Variants in FSIP1 observed in about 807,000 individuals in gnomAD.
FSIP1 encodes fibrous sheath interacting protein 1.
A neutral mutation model predicts 60.9 loss-of-function variants in FSIP1; 65 were observed. The observed-to-expected ratio is 1.07, with a 90% CI of 0.87 to 1.31. FSIP1 has a LOEUF of 1.31. FSIP1 is among the 40% of genes most tolerant of loss of function. The pLI, the probability that FSIP1 is intolerant of heterozygous loss-of-function variation, is 0.00. For synonymous variants in FSIP1, 209 were observed against 221.2 expected (o/e 0.94, Z 0.49); for missense variants, 675 against 665.5 (o/e 1.01, Z -0.16).
intron 10 of FSIP1, among the ~76,000 whole-genome samples, chr15:39,635,365 T>C (rs1011584643): frequency 6.6e-5 from 10 of 152,062 alleles, no homozygotes; most frequent in East Asian, 1.9e-4. Context: ...GCCAGATAGA[T>C]ACATGCATAC....
At chr15:39,618,436 G>C (rs1278019342) in intron 10 of FSIP1, among the ~76,000 whole-genome samples, 191 bp from the exon 11 acceptor site, 1 of 152,146 alleles carries the variant, frequency 6.6e-6, no homozygotes, top group Non-Finnish European at 1.5e-5. Flanking sequence ...ATCTTTGGTT[G>C]GTGTTTCTCT....
At chr15:39,662,917 T>C (rs953767131) in intron 10 of FSIP1, among the ~76,000 whole-genome samples, 2 of 152,158 alleles carry the variant, frequency 1.3e-5, no homozygotes, top group South Asian at 2.1e-4. Flanking sequence ...AAAGCATTAC[T>C]GTCCTGTATA....
At position 39,713,502 on chromosome 15, in the gene FSIP1, T is replaced by C. The variant is rs764404468; in HGVS notation, c.1130A>G (p.Asp377Gly). The change falls in exon 10 of 12, where the codon GAT (aspartate) becomes GGT (glycine). Residue 377 changes from aspartate (D) to glycine (G), a missense_variant. Coordinates refer to ENST00000350221, the MANE Select transcript of FSIP1 (RefSeq NM_152597.5). ...KILRNTKEQR[D>G]LHNRLREIDE... The stretch of plus-strand genomic sequence containing the variant: ...AATCTCTCTCAGCCGATTATGCAGA[T>C]CGCGTTGCTCTTTGGTGTTCCTAAG... 1 of 1,611,754 alleles carries C rather than the reference T, an allele frequency of 6.2e-7. No homozygotes were observed. The highest frequency in any genetic ancestry group is 1.1e-5 in the South Asian group (1 of 90,546).
intron 3 of FSIP1, among the ~76,000 whole-genome samples, chr15:39,770,159 G>C (rs1345379577): frequency 6.6e-6 from 1 of 151,990 alleles, no homozygotes; most frequent in African/African-American, 2.4e-5. Context: ...AAAAAATGCA[G>C]AAATACTCCC....
chr15:39,615,669 A>T (rs9302102), intron 11 of FSIP1, among the ~76,000 whole-genome samples: 1 of 150,842 alleles, frequency 6.6e-6, no homozygotes, highest in Non-Finnish European at 1.5e-5. Context: ...GGGCAGATCA[A>T]GAGGTGAGAT....
intron 10 of FSIP1, among the ~76,000 whole-genome samples, chr15:39,646,049 A>G (rs1009545604): frequency 1.3e-5 from 2 of 152,142 alleles, no homozygotes; most frequent in African/African-American, 4.8e-5. Flanking sequence ...GAACTCCATA[A>G]AAGCTCTGTA....
chr15:39,673,947 T>C (rs1566879463), intron 10 of FSIP1, among the ~76,000 whole-genome samples: 1 of 152,072 alleles, frequency 6.6e-6, no homozygotes, highest in African/African-American at 2.4e-5. Flanking sequence ...AAGGATGTCA[T>C]ATAAATAGAT....
At chr15:39,647,232 T>C (rs1445609009) in intron 10 of FSIP1, among the ~76,000 whole-genome samples, 2 of 152,182 alleles carry the variant, frequency 1.3e-5, no homozygotes, top group Non-Finnish European at 2.9e-5. Flanking sequence ...TTGAGATTCT[T>C]GCAAAAAGAG....
chr15:39,634,081 T>C (rs934778084), intron 10 of FSIP1, among the ~76,000 whole-genome samples: 1 of 152,148 alleles, frequency 6.6e-6, no homozygotes. Context: ...CCCCTCTACC[T>C]GCACACAAGA....
chr15:39,711,541 A>C (rs916799730), intron 10 of FSIP1, among the ~76,000 whole-genome samples: 1 of 152,170 alleles, frequency 6.6e-6, no homozygotes, highest in African/African-American at 2.4e-5. Flanking sequence ...ATATGGAGTG[A>C]GAGGAAGTAC....
chr15:39,681,303 G>GT (rs112050282), intron 10 of FSIP1, among the ~76,000 whole-genome samples: 4,917 of 151,152 alleles, frequency 0.033, 256 homozygotes, highest in African/African-American at 0.11. Flanking sequence ...TTTGTTTTTT[G>GT]TTTTTTTTCA....
chr15:39,720,634 G>A (rs556772480), intron 9 of FSIP1, among the ~76,000 whole-genome samples: 1 of 152,318 alleles, frequency 6.6e-6, no homozygotes, highest in Non-Finnish European at 1.5e-5. Flanking sequence ...AAGGATTTAA[G>A]AAACTGAATG....
chr15:39,631,001 C>T (rs921518464), intron 10 of FSIP1, among the ~76,000 whole-genome samples: 1 of 152,206 alleles, frequency 6.6e-6, no homozygotes, highest in Non-Finnish European at 1.5e-5. Flanking sequence ...GGGCATCAGG[C>T]TGTGCCATCC....
rs1266395623 is a variant in FSIP1, at chr15:39,768,867, CT to C, written c.310+1559del. Among the ~76,000 whole-genome samples, 83 of 152,304 alleles carry C rather than the reference CT, an allele frequency of 5.4e-4. 1 individual carries two copies. Among genetic ancestry groups the C allele is most frequent in the Non-Finnish European group, 1.8e-4 (12 of 68,022 alleles). Reference sequence around the variant, plus strand: ...GATCTATATTTTACATTGAATGGATCTTTTATCCTACATTAATCATTTGGAA... The same window carrying C: ...GATCTATATTTTACATTGAATGGATCTTTATCCTACATTAATCATTTGGAA... On this transcript the variant is annotated intron_variant, in intron 3 of 11. Transcript: ENST00000350221.
chr15:39,731,512 T>C (rs1331172706), intron 8 of FSIP1, among the ~76,000 whole-genome samples: 3 of 152,228 alleles, frequency 2.0e-5, no homozygotes, highest in African/African-American at 7.2e-5. Context: ...TATTTTCATA[T>C]GACACTGAAG....
intron 10 of FSIP1, among the ~76,000 whole-genome samples, chr15:39,656,210 A>C (rs144821761): frequency 6.7e-4 from 102 of 152,302 alleles, no homozygotes; most frequent in African/African-American, 2.3e-3. Context: ...GAATGTAAGG[A>C]AGAAAAAAGG....
At chr15:39,715,444 T>G (rs558839025) in intron 9 of FSIP1, among the ~76,000 whole-genome samples, 5 of 152,298 alleles carry the variant, frequency 3.3e-5, no homozygotes, top group African/African-American at 1.2e-4. Context: ...ATGCAAACTA[T>G]AATCCTGAAG....
chr15:39,733,342 G>GT (rs1337865914), intron 8 of FSIP1, among the ~76,000 whole-genome samples: 1 of 152,134 alleles, frequency 6.6e-6, no homozygotes, highest in African/African-American at 2.4e-5. Context: ...AAAAACAATT[G>GT]CCTTTAAAAA....
intron 10 of FSIP1, among the ~76,000 whole-genome samples, chr15:39,702,889 A>T (rs547732076): frequency 6.6e-6 from 1 of 152,178 alleles, no homozygotes; most frequent in South Asian, 2.1e-4. Flanking sequence ...AAACCTAACT[A>T]GTCGTATTAC....
Sources: allele counts gnomAD v4.1 joint callset (sites outside exome capture counted in the v4.1 genomes callset), GRCh38; gene constraint gnomAD v4.1.1; transcripts MANE v1.5; gene names NCBI Gene and HGNC (gene_info 2026-07-23, HGNC 2026-07-21).